PTPRG: variants seen among roughly 807,000 people sequenced by gnomAD.
PTPRG encodes the protein receptor-type tyrosine-protein phosphatase gamma.
A neutral mutation model predicts 165.3 loss-of-function variants in PTPRG; 102 were observed. The observed-to-expected ratio is 0.62, with a 90% confidence interval of 0.53 to 0.73. The LOEUF is 0.73. Among genes scored for constraint, PTPRG ranks in the 30% least tolerant of loss-of-function variants. The probability of loss-of-function intolerance (pLI) is 0.00; values close to 1 mark genes in which losing one functional copy is unlikely to be tolerated. For synonymous variants in PTPRG, 675 were observed against 669.5 expected, an observed-to-expected ratio of 1.01 and a Z score of -0.13; for missense variants, 1,866 against 1,861.4, an observed-to-expected ratio of 1.00 and a Z score of -0.05.
rs1700953064 is a variant in PTPRG at position 62,233,505 on chromosome 3, G to T, written c.2375+2194G>T. ...GGCTGGAATGCAAGCCCTTCAACCA[G>T]GCTCTCTCTCACCTTTGCCTTTTTC... On this transcript the variant is annotated intron_variant, in intron 14 of 29. Coordinates refer to ENST00000474889, the MANE Select transcript of PTPRG (RefSeq NM_002841.4). This position sits in a 1 kb window ranked among gnomAD's most constrained non-coding sequence, Gnocchi z 4.7. 6.6e-6 allele frequency among the ~76,000 whole-genome samples: 1 copy of T among 152,112 alleles called. No homozygotes were observed. Among genetic ancestry groups the T allele is most frequent in the African/African-American group, 2.4e-5 (1 of 41,432 alleles).
chr3:61,941,157 C>G (rs1433289375), intron 2 of PTPRG, among the ~76,000 whole-genome samples: 2 of 152,066 alleles, frequency 1.3e-5, no homozygotes, highest in African/African-American at 4.8e-5. Context: ...GATAATCATT[C>G]ATGAGTGCAA....
At chr3:61,618,262 A>G (rs1701352915) in intron 1 of PTPRG, among the ~76,000 whole-genome samples, 1 of 152,250 alleles carries the variant, frequency 6.6e-6, no homozygotes, top group Non-Finnish European at 1.5e-5. Context: ...CTAATTTAAA[A>G]TATAAAAAAT....
At chr3:61,810,002 G>A (rs2035526612) in intron 2 of PTPRG, among the ~76,000 whole-genome samples, 1 of 152,160 alleles carries the variant, frequency 6.6e-6, no homozygotes, top group Non-Finnish European at 1.5e-5. Context: ...CCTTATAGCT[G>A]CAATGGGGGG....
chr3:61,831,295 A>G (rs2036286238), intron 2 of PTPRG, among the ~76,000 whole-genome samples: 1 of 152,234 alleles, frequency 6.6e-6, no homozygotes, highest in East Asian at 1.9e-4. Flanking sequence ...GAAAGAGCAT[A>G]ATACCCATTT....
chr3:62,203,062 A>G lies in PTPRG; in HGVS notation c.1378-111A>G. On this transcript the variant is annotated intron_variant, in intron 11 of 29. Coordinates refer to ENST00000474889, the MANE Select transcript of PTPRG (RefSeq NM_002841.4). This position sits in a 1 kb window ranked among gnomAD's most constrained non-coding sequence, Gnocchi z 6.4. ...GAAAACTCCATAGCATAGATGAGTA[A>G]AATCCTCAGAGGGTGACAACCAGGG... The G allele has an allele frequency of 2.7e-6, 4 of 1,489,538 alleles. No homozygotes were observed. Among genetic ancestry groups the G allele is most frequent in the Non-Finnish European group, 3.6e-6 (4 of 1,119,266 alleles). 92.3% of individuals were successfully genotyped at this position (1,489,538 alleles called of 1,614,324 possible).
chr3:62,069,675 C>G lies in PTPRG; in HGVS notation c.520-8488C>G, dbSNP rs1317726823. 1.2e-4 allele frequency among the ~76,000 whole-genome samples: 17 copies of G among 138,380 alleles called. 1 individual carries two copies. The highest frequency in any genetic ancestry group is 1.7e-4 in the Non-Finnish European group (11 of 63,896). 90.8% of individuals were successfully genotyped at this position (138,380 alleles called of 152,430 possible). On this transcript the variant is annotated intron_variant, in intron 4 of 29. Transcript: ENST00000474889. ...TCTCTCTCTCTCTCTCTCTCTCTCT[C>G]TCTCTCTCTCACACACAGACACACG...
intron 2 of PTPRG, among the ~76,000 whole-genome samples, chr3:61,840,680 T>C (rs1044433483): frequency 3.3e-5 from 5 of 151,764 alleles, no homozygotes; most frequent in African/African-American, 1.2e-4. Context: ...ACCTTTGGAG[T>C]TTATATTGGG....
chr3:61,810,275 G>A (rs966286661), intron 2 of PTPRG, among the ~76,000 whole-genome samples: 2 of 152,208 alleles, frequency 1.3e-5, no homozygotes, highest in South Asian at 2.1e-4. Flanking sequence ...AGTTTAGGGT[G>A]CAGGTAGGAT....
chr3:61,682,028 A>G (rs921224315), intron 1 of PTPRG, among the ~76,000 whole-genome samples: 3 of 151,972 alleles, frequency 2.0e-5, no homozygotes, highest in African/African-American at 7.3e-5. Context: ...GCACACCTGT[A>G]ATCCCAACTA....
chr3:62,209,312 C>CA lies in PTPRG; in HGVS notation c.2155+5363dup, dbSNP rs111770960. Among the ~76,000 whole-genome samples, 1,011 of 152,276 alleles carry CA rather than the reference C, an allele frequency of 6.6e-3. 14 individuals carry two copies. The highest frequency in any genetic ancestry group is 0.024 in the African/African-American group (977 of 41,550). On this transcript the variant is annotated intron_variant, in intron 12 of 29. Transcript: ENST00000474889. Reference sequence around the variant, plus strand: ...TATGGCGCACAGGACAGCTCCACAACAGGAACCATCTGGTCAAAATGTCAT... The same window carrying CA: ...TATGGCGCACAGGACAGCTCCACAACAAGGAACCATCTGGTCAAAATGTCAT...
intron 2 of PTPRG, among the ~76,000 whole-genome samples, chr3:61,965,600 G>T (rs2040253757): frequency 6.8e-6 from 1 of 146,312 alleles, no homozygotes; most frequent in Non-Finnish European, 1.5e-5. Flanking sequence ...TGCAAAAATA[G>T]CTTTGGGTAT....
chr3:62,205,609 A>G (rs1169392024), intron 12 of PTPRG, among the ~76,000 whole-genome samples: 1 of 152,190 alleles, frequency 6.6e-6, no homozygotes, highest in Non-Finnish European at 1.5e-5. Context: ...CCATGCAAAG[A>G]TCCAGGGAGG....
At chr3:62,075,038 A>T in intron 4 of PTPRG, among the ~76,000 whole-genome samples, 1 of 152,216 alleles carries the variant, frequency 6.6e-6, no homozygotes, top group East Asian at 1.9e-4. Flanking sequence ...TGAGAAAAAT[A>T]GTAAGAAAAA....
intron 2 of PTPRG, among the ~76,000 whole-genome samples, chr3:61,852,616 T>G (rs1314681427): frequency 1.3e-5 from 2 of 152,058 alleles, no homozygotes; most frequent in Non-Finnish European, 2.9e-5. Context: ...TCCCAGAGAG[T>G]TAAATTGATG....
intron 1 of PTPRG, among the ~76,000 whole-genome samples, chr3:61,729,046 A>G (rs2032381365): frequency 6.7e-6 from 1 of 150,368 alleles, no homozygotes; most frequent in South Asian, 2.1e-4. Context: ...TGGGCGGCAG[A>G]GAGAGACCCT....
chr3:62,191,834 C>T (rs1699832224), intron 9 of PTPRG, among the ~76,000 whole-genome samples, 181 bp downstream of exon 9: 2 of 152,192 alleles, frequency 1.3e-5, no homozygotes, highest in African/African-American at 4.8e-5. Flanking sequence ...TGGATGGAGC[C>T]TGCCTGGGCG....
At chr3:62,257,669 C>T (rs539775808) in intron 16 of PTPRG, among the ~76,000 whole-genome samples, 7 of 152,264 alleles carry the variant, frequency 4.6e-5, no homozygotes, top group Admixed American at 1.3e-4. Context: ...AAAGTAGTGT[C>T]CTGGGCCAGG....
At chr3:61,824,893 A>G (rs1001202298) in intron 2 of PTPRG, among the ~76,000 whole-genome samples, 4 of 152,196 alleles carry the variant, frequency 2.6e-5, no homozygotes, top group Non-Finnish European at 5.9e-5. Context: ...ACAAAGTCCA[A>G]CTGGCTTCCT....
intron 1 of PTPRG, among the ~76,000 whole-genome samples, chr3:61,605,455 C>A (rs972186058): frequency 6.6e-6 from 1 of 151,486 alleles, no homozygotes; most frequent in African/African-American, 2.4e-5. Context: ...GGGGTTTTGC[C>A]ATGTTGACTG....
Sources: allele counts gnomAD v4.1 joint callset (sites outside exome capture counted in the v4.1 genomes callset), GRCh38; gene constraint gnomAD v4.1.1; non-coding constraint Gnocchi (gnomAD v3.1); transcripts MANE v1.5; gene names NCBI Gene and HGNC (gene_info 2026-07-23, HGNC 2026-07-21).